ZNF536: variants seen among roughly 807,000 people sequenced by gnomAD.
ZNF536 encodes zinc finger protein 536.
A neutral mutation model predicts 84.5 loss-of-function variants in ZNF536; 13 were observed. The observed-to-expected ratio is 0.15, with a 90% CI of 0.10 to 0.24. ZNF536 has a LOEUF of 0.24. Ranked by LOEUF, ZNF536 falls within the 10% of genes least tolerant of loss-of-function variation. The probability of loss-of-function intolerance (pLI) is 1.00; values close to 1 mark genes in which losing one functional copy is unlikely to be tolerated. For missense variants in ZNF536, 1,536 were observed against 1,747.5 expected (o/e 0.88, Z 2.16); for synonymous variants, 811 against 742.5 (o/e 1.09, Z -1.50).
chr19:30,651,658 A>T (rs1040361021), intron 1 of ZNF536, among the ~76,000 whole-genome samples: 1 of 152,224 alleles, frequency 6.6e-6, no homozygotes, highest in Non-Finnish European at 1.5e-5. Flanking sequence ...TTCTGTAAAG[A>T]TGCCATATTT....
chr19:30,281,419 C>G (rs1178865948), intron 1 of ZNF536, among the ~76,000 whole-genome samples: 1 of 152,222 alleles, frequency 6.6e-6, no homozygotes, highest in African/African-American at 2.4e-5. Context: ...CCTGCCTGCA[C>G]TTGCTTAAGG....
intron 1 of ZNF536, among the ~76,000 whole-genome samples, chr19:30,271,183 A>C (rs952876462): frequency 6.6e-6 from 1 of 151,858 alleles, no homozygotes; most frequent in Non-Finnish European, 1.5e-5. Context: ...ATATGCCAGG[A>C]GAGGAAAGGC....
chr19:30,423,892 G>A (rs2051096000), intron 1 of ZNF536, among the ~76,000 whole-genome samples: 1 of 152,182 alleles, frequency 6.6e-6, no homozygotes, highest in Non-Finnish European at 1.5e-5. Context: ...GGGGATTTCA[G>A]GGGGTCAGAC....
At chr19:30,412,009 G>T in intron 1 of ZNF536, among the ~76,000 whole-genome samples, 1 of 151,024 alleles carries the variant, frequency 6.6e-6, no homozygotes, top group Non-Finnish European at 1.5e-5. Flanking sequence ...ATTTATTCTG[G>T]GTGTTTGAAA....
chr19:30,302,755 C>A (rs960910543), intron 2 of ZNF536, among the ~76,000 whole-genome samples: 2 of 151,998 alleles, frequency 1.3e-5, no homozygotes, highest in African/African-American at 4.8e-5. Flanking sequence ...ATGTCAGCCC[C>A]ATCCCAATCC....
upstream of ZNF536, among the ~76,000 whole-genome samples, chr19:30,372,203 G>A (rs1304104732): frequency 2.6e-5 from 4 of 152,204 alleles, no homozygotes; most frequent in Admixed American, 2.6e-4. Flanking sequence ...CAGAGAGAGT[G>A]AAAACAATTG....
At chr19:30,393,283 G>T (rs1453443840) in intron 1 of ZNF536, among the ~76,000 whole-genome samples, 2 of 152,150 alleles carry the variant, frequency 1.3e-5, no homozygotes, top group Admixed American at 1.3e-4. Flanking sequence ...GAGTCACTGA[G>T]GCTTGTTTGC....
chr19:30,390,689 A>G (rs1156555901), intron 1 of ZNF536, among the ~76,000 whole-genome samples: 1 of 152,306 alleles, frequency 6.6e-6, no homozygotes, highest in East Asian at 1.9e-4. Context: ...GAAACAGTCC[A>G]TGGCAAAGTC....
intron 1 of ZNF536, among the ~76,000 whole-genome samples, chr19:30,427,554 A>T (rs996686442): frequency 6.6e-6 from 1 of 152,090 alleles, no homozygotes; most frequent in African/African-American, 2.4e-5. Flanking sequence ...TTGGCTGTAG[A>T]TGTATCTCAG....
Position 30,445,690 on chromosome 19 carries a change from G to T in ZNF536, c.2128G>T (p.Ala710Ser), listed in dbSNP as rs1283492857. ...AGGCGGCCTCTCCCAGACCGGGAGT[G>T]CCCAGGAGGACAGCCCGCACCCCTC... ...VGGGLSQTGSAQEDSPHPSSP... is the reference protein window; with the variant it reads ...VGGGLSQTGSSQEDSPHPSSP... Residue 710 changes from alanine (A) to serine (S), a missense_variant, in exon 2 of 5, where the codon GCC becomes TCC. Physicochemically the swap from Ala to Ser is moderately conservative, Grantham distance 99. Coordinates refer to ENST00000355537, the MANE Select transcript of ZNF536 (RefSeq NM_014717.3). The surrounding 1 kb of genome is among the most constrained non-coding windows in gnomAD (Gnocchi z 4.5). 21 of 1,597,026 alleles carry T rather than the reference G, an allele frequency of 1.3e-5. No individual in the cohort carries two copies. The highest frequency in any genetic ancestry group is 2.7e-5 in the African/African-American group (2 of 74,630).
At chr19:30,703,839 G>A (rs989630562) in intron 1 of ZNF536, among the ~76,000 whole-genome samples, 10 of 152,174 alleles carry the variant, frequency 6.6e-5, no homozygotes, top group African/African-American at 1.9e-4. Context: ...GTGATATAGT[G>A]TCAGTATTAT....
At chr19:30,312,199 TGA>T (rs1226958794) in intron 2 of ZNF536, among the ~76,000 whole-genome samples, 3 of 152,078 alleles carry the variant, frequency 2.0e-5, no homozygotes, top group African/African-American at 7.2e-5. Flanking sequence ...AGGCGGTGCA[TGA>T]GAGAAGATGA....
chr19:30,683,637 C>T (rs558770545), intron 1 of ZNF536, among the ~76,000 whole-genome samples: 1 of 152,098 alleles, frequency 6.6e-6, no homozygotes, highest in African/African-American at 2.4e-5. Context: ...AACTGGATGT[C>T]CCTGTAAAGG....
intron 1 of ZNF536, among the ~76,000 whole-genome samples, chr19:30,442,987 A>G (rs2052125798): frequency 6.7e-6 from 1 of 150,274 alleles, no homozygotes; most frequent in Non-Finnish European, 1.5e-5. Flanking sequence ...TTCCCAAAAC[A>G]TTATCTTGTT....
At chr19:30,701,701 A>G (rs1187662381) in intron 1 of ZNF536, among the ~76,000 whole-genome samples, 1 of 152,348 alleles carries the variant, frequency 6.6e-6, no homozygotes, top group Non-Finnish European at 1.5e-5. Flanking sequence ...GAGCAGGTGG[A>G]GAGACGAGCA....
chr19:30,584,729 CTTTG>C (rs758237679), intron 1 of ZNF536, among the ~76,000 whole-genome samples: 1 of 152,308 alleles, frequency 6.6e-6, no homozygotes, highest in South Asian at 2.1e-4. Context: ...GAACTTTCCT[CTTTG>C]TTTGTATGTT....
intron 2 of ZNF536, among the ~76,000 whole-genome samples, chr19:30,480,461 C>T (rs1286264402): frequency 6.6e-6 from 1 of 152,072 alleles, no homozygotes; most frequent in Non-Finnish European, 1.5e-5. Flanking sequence ...GAAAACCAAA[C>T]ACCGGATGTT....
At chr19:30,412,385 A>C (rs1006736702) in intron 1 of ZNF536, among the ~76,000 whole-genome samples, 1 of 150,502 alleles carries the variant, frequency 6.6e-6, no homozygotes, top group African/African-American at 2.4e-5. Context: ...AGGAATGTTG[A>C]ATTTTATCAA....
chr19:30,286,303 G>A (rs960287527), intron 2 of ZNF536, among the ~76,000 whole-genome samples: 3 of 152,260 alleles, frequency 2.0e-5, no homozygotes, highest in East Asian at 1.9e-4. Context: ...CTATCTCGGC[G>A]CCTTTGTGTG....
Sources: gnomAD v4.1 joint callset for allele counts (sites outside exome capture counted in the v4.1 genomes callset) on GRCh38, gnomAD v4.1.1 for gene constraint, Gnocchi (gnomAD v3.1) non-coding constraint, MANE v1.5 for transcripts, NCBI Gene and HGNC (gene_info 2026-07-23, HGNC 2026-07-21) for gene names.